Variants in NUBP1 observed in about 807,000 individuals in gnomAD.
NUBP1 encodes cytosolic Fe-S cluster assembly factor NUBP1.
In NUBP1, 46 loss-of-function variants were observed where a neutral mutation model predicts 41.8. The ratio of observed to expected loss-of-function variants is 1.10; its 90% CI spans 0.87 to 1.41. The LOEUF (loss-of-function observed/expected upper bound fraction) is 1.41, where lower values mean the gene tolerates loss of function less well. Among genes scored for constraint, NUBP1 ranks in the 40% most tolerant of loss-of-function variants. The pLI is 0.00. For synonymous variants in NUBP1, 189 were observed against 154.6 expected, an observed-to-expected ratio of 1.22 and a Z score of -1.65; for missense variants, 494 against 414.0, an observed-to-expected ratio of 1.19 and a Z score of -1.68.
Position 10,768,120 on chromosome 16 carries a change from G to T in NUBP1, c.904+88G>T. On this transcript the variant is annotated intron_variant, in intron 10 of 10. Transcript: ENST00000283027. This position sits in a 1 kb window ranked among gnomAD's most constrained non-coding sequence, Gnocchi z 4.3. The stretch of plus-strand genomic sequence containing the variant: ...CAGGGGTGTGGAAGGACAGGTGGGT[G>T]GTGGGGTCTGTGATGACCACAGAGT... 2 of 1,293,986 alleles carry T rather than the reference G, an allele frequency of 1.5e-6. No individual in the cohort carries two copies. The highest frequency in any genetic ancestry group is 1.2e-5 in the South Asian group (1 of 84,110). The allele number at this position is 1,293,986 out of a possible 1,614,324, so 80.2% of individuals were successfully genotyped here. A position where few individuals can be genotyped will look rare whatever the true frequency, so the allele number is the denominator to read the frequency against.
At chr16:10,761,897 G>T (rs780554079) in intron 9 of NUBP1, 38 bp downstream of exon 9, 1 of 1,524,984 alleles carries the variant, frequency 6.6e-7, no homozygotes. Flanking sequence ...CTCACTCCTC[G>T]GTCAGCCCCA....
At position 10,757,798 on chromosome 16, in the gene NUBP1, T is replaced by TA. The variant is rs1052576466; in HGVS notation, c.452-65dup. The stretch of plus-strand genomic sequence containing the variant: ...GGCAACATAGCAAGACCCCATCCTT[T>TA]AAAAAAAAAAGAGGGAGTTGAAAGT... On this transcript the variant is annotated intron_variant, in intron 6 of 10. Coordinates refer to ENST00000283027, the MANE Select transcript of NUBP1 (RefSeq NM_002484.4). The surrounding 1 kb of genome is among the most constrained non-coding windows in gnomAD (Gnocchi z 4.1). 7.8e-3 allele frequency: 9,069 copies of TA among 1,161,284 alleles called. No homozygotes were observed. The highest frequency in any genetic ancestry group is 8.3e-3 in the Non-Finnish European group (7,026 of 844,548). 71.9% of individuals were successfully genotyped at this position (1,161,284 alleles called of 1,614,324 possible).
intron 9 of NUBP1, among the ~76,000 whole-genome samples, chr16:10,762,833 C>CA (rs1162402848): frequency 8.8e-5 from 13 of 147,956 alleles, no homozygotes; most frequent in Admixed American, 1.3e-4. Flanking sequence ...AGGGCGGGGC[C>CA]CGTGGAGAGC....
intron 9 of NUBP1, among the ~76,000 whole-genome samples, chr16:10,762,789 G>T (rs1392221625): frequency 6.6e-6 from 1 of 152,052 alleles, no homozygotes. Context: ...GTATGGCCTG[G>T]CCAGGAGAGG....
rs545644050 is a variant in NUBP1, at chr16:10,757,639, A to G, written c.452-234A>G. Among the ~76,000 whole-genome samples, 2 of 152,330 alleles carry G rather than the reference A, an allele frequency of 1.3e-5. No homozygotes were observed. Among genetic ancestry groups the G allele is most frequent in the African/African-American group, 2.4e-5 (1 of 41,582 alleles). Reference sequence around the variant, plus strand: ...CAGTTGAGAGCCACTGACTTACAGCATAGACCAAAGGCACAAAAAGATCAG... The same window carrying G: ...CAGTTGAGAGCCACTGACTTACAGCGTAGACCAAAGGCACAAAAAGATCAG... On this transcript the variant is annotated intron_variant, in intron 6 of 10. Coordinates refer to ENST00000283027, the MANE Select transcript of NUBP1 (RefSeq NM_002484.4). This position sits in a 1 kb window ranked among gnomAD's most constrained non-coding sequence, Gnocchi z 4.1.
chr16:10,768,779 G>C lies in NUBP1; in HGVS notation c.905-268G>C. On this transcript the variant is annotated intron_variant, in intron 10 of 10. Coordinates refer to ENST00000283027, the MANE Select transcript of NUBP1 (RefSeq NM_002484.4). This position sits in a 1 kb window ranked among gnomAD's most constrained non-coding sequence, Gnocchi z 4.3. ...CTGGGTTTTACTTGCCTAGAAGAATGATGTCAAGGGTAAGGAAACAGCATT... is the reference window on the plus strand; with the variant it reads ...CTGGGTTTTACTTGCCTAGAAGAATCATGTCAAGGGTAAGGAAACAGCATT... 1 of 371,784 alleles carries C rather than the reference G, an allele frequency of 2.7e-6. No homozygotes were observed. Among genetic ancestry groups the C allele is most frequent in the Non-Finnish European group, 4.8e-6 (1 of 208,066 alleles). The allele number at this position is 371,784 out of a possible 1,614,324, so 23.0% of individuals were successfully genotyped here.
At position 10,759,669 on chromosome 16, in the gene NUBP1, G is replaced by T. The variant is rs919215769; in HGVS notation, c.606+1642G>T. ...TGGGCACCTGTAATCCCAGCTACTTGGGAGGCTGAGGTGGGAGAAGTGCTT... is the reference window on the plus strand; with the variant it reads ...TGGGCACCTGTAATCCCAGCTACTTTGGAGGCTGAGGTGGGAGAAGTGCTT... On this transcript the variant is annotated intron_variant, in intron 7 of 10. Transcript: ENST00000283027. This position sits in a 1 kb window ranked among gnomAD's most constrained non-coding sequence, Gnocchi z 4.7. Among the ~76,000 whole-genome samples the T allele has an allele frequency of 6.6e-6, 1 of 152,136 alleles. No homozygotes were observed. The highest frequency in any genetic ancestry group is 1.5e-5 in the Non-Finnish European group (1 of 68,026).
chr16:10,743,887 G>C lies in NUBP1; in HGVS notation c.19+5G>C, dbSNP rs764197600. On this transcript the variant is annotated splice_donor_5th_base_variant and intron_variant, in intron 1 of 10. Transcript: ENST00000283027. ...GAATGGAGGAGGTGCCTCACGGTAA[G>C]CTCGCGGAGGGGGCGTGGGTCGCGG... 3.2e-6 allele frequency: 5 copies of C among 1,569,046 alleles called. No homozygotes were observed. Among genetic ancestry groups the C allele is most frequent in the Non-Finnish European group, 4.3e-6 (5 of 1,158,866 alleles).
intron 2 of NUBP1, among the ~76,000 whole-genome samples, chr16:10,746,332 C>T (rs1298856923): frequency 3.3e-5 from 5 of 152,176 alleles, no homozygotes; most frequent in South Asian, 4.1e-4. Context: ...GCACTGCTGA[C>T]ATTTGGGGCA....
At chr16:10,760,136 C>A (rs1026842067) in intron 7 of NUBP1, among the ~76,000 whole-genome samples, 1 of 152,226 alleles carries the variant, frequency 6.6e-6, no homozygotes, top group Non-Finnish European at 1.5e-5. Context: ...TCCTTATTTC[C>A]TTTTAGTCAG....
Position 10,757,738 on chromosome 16 carries a change from G to C in NUBP1, c.452-135G>C. ...AGTTACTTGGGAGGCTGAGGTGGGAGGATTGCTTGAGCCTCAGAGTTAAGA... is the reference window on the plus strand; with the variant it reads ...AGTTACTTGGGAGGCTGAGGTGGGACGATTGCTTGAGCCTCAGAGTTAAGA... On this transcript the variant is annotated intron_variant, in intron 6 of 10. Coordinates refer to ENST00000283027, the MANE Select transcript of NUBP1 (RefSeq NM_002484.4). The surrounding 1 kb of genome is among the most constrained non-coding windows in gnomAD (Gnocchi z 4.1). 9.8e-7 allele frequency: 1 copy of C among 1,025,054 alleles called. No individual in the cohort carries two copies. The highest frequency in any genetic ancestry group is 1.5e-5 in the South Asian group (1 of 65,654). The allele number at this position is 1,025,054 out of a possible 1,614,324, so 63.5% of individuals were successfully genotyped here.
At position 10,769,091 on chromosome 16, in the gene NUBP1, C is replaced by T; in HGVS notation, c.949C>T (p.Leu317Phe). The change falls in exon 11 of 11, where the codon CTC becomes TTC. Residue 317 changes from leucine to phenylalanine, a missense_variant. Coordinates refer to ENST00000283027, the MANE Select transcript of NUBP1 (RefSeq NM_002484.4). The part of the protein sequence containing the change: ...CNLHQSKEEN[L>F]ISS ...TCTCCATCAGTCAAAAGAAGAGAAC[C>T]TCATCAGTTCCTGAAACGAGAGAAT... 1 of 1,613,994 alleles carries T rather than the reference C, an allele frequency of 6.2e-7. No individual in the cohort carries two copies. Among genetic ancestry groups the T allele is most frequent in the East Asian group, 2.2e-5 (1 of 44,870 alleles).
chr16:10,748,126 T>C (rs1272981430), intron 3 of NUBP1, among the ~76,000 whole-genome samples: 1 of 151,948 alleles, frequency 6.6e-6, no homozygotes, highest in Non-Finnish European at 1.5e-5. Flanking sequence ...AATTTTTGGG[T>C]TTTTTGTAGA....
chr16:10,747,102 G>A (rs1340282883), intron 2 of NUBP1, 41 bp from the exon 3 acceptor site: 5 of 1,609,880 alleles, frequency 3.1e-6, no homozygotes, highest in Non-Finnish European at 4.2e-6. Flanking sequence ...TTCGAGGTTT[G>A]GTGTGGGACC....
At chr16:10,761,612 C>A in intron 8 of NUBP1, 138 bp downstream of exon 8, 1 of 979,922 alleles carries the variant, frequency 1.0e-6, no homozygotes, top group Non-Finnish European at 1.5e-6. Context: ...TCCCTTTCTG[C>A]TGACTAAAGG....
rs1900203336 is a variant in NUBP1 at position 10,749,165 on chromosome 16, A to C, written c.258+1889A>C. Among the ~76,000 whole-genome samples the C allele has an allele frequency of 1.4e-5, 2 of 145,274 alleles. No individual in the cohort carries two copies. Among genetic ancestry groups the C allele is most frequent in the Non-Finnish European group, 1.5e-5 (1 of 65,746 alleles). On this transcript the variant is annotated intron_variant, in intron 3 of 10. Transcript: ENST00000283027. This position sits in a 1 kb window ranked among gnomAD's most constrained non-coding sequence, Gnocchi z 4.1. ...CACACACACACACACACACACACAC[A>C]CACACGTTGATTCGTCATTCTGTGA...
intron 5 of NUBP1, 150 bp downstream of exon 5, chr16:10,755,903 C>T (rs1260048656): frequency 2.8e-6 from 2 of 722,514 alleles, no homozygotes; most frequent in Non-Finnish European, 4.8e-6. Flanking sequence ...CAGGCTTTTT[C>T]TGTAAAGTGT....
Position 10,767,961 on chromosome 16 carries a change from A to G in NUBP1, c.833A>G (p.Asp278Gly). The change falls in exon 10 of 11, where the codon GAC becomes GGC. Residue 278 changes from aspartate (D) to glycine (G), a missense_variant. By Grantham distance (94) the Asp-to-Gly change is moderately conservative (BLOSUM62 -1). Coordinates refer to ENST00000283027, the MANE Select transcript of NUBP1 (RefSeq NM_002484.4). This position sits in a 1 kb window ranked among gnomAD's most constrained non-coding sequence, Gnocchi z 4.6. ...PLDPLIGKNC[D>G]KGQSFFIDAP... ...TTTCTTTTTTAAGGTAAGAATTGTG[A>G]CAAAGGCCAGTCTTTTTTCATTGAC... is the stretch of plus-strand genomic sequence containing the variant. 1 of 1,614,164 alleles carries G rather than the reference A, an allele frequency of 6.2e-7. No homozygotes were observed. Among genetic ancestry groups the G allele is most frequent in the Non-Finnish European group, 8.5e-7 (1 of 1,180,036 alleles).
intron 3 of NUBP1, among the ~76,000 whole-genome samples, chr16:10,748,614 T>G (rs1900167652): frequency 6.6e-6 from 1 of 152,108 alleles, no homozygotes; most frequent in African/African-American, 2.4e-5. Flanking sequence ...AAGGACTGAG[T>G]GAGATGGCAC....
Sources: gnomAD v4.1 joint callset for allele counts (sites outside exome capture counted in the v4.1 genomes callset) on GRCh38, gnomAD v4.1.1 for gene constraint, Gnocchi (gnomAD v3.1) non-coding constraint, MANE v1.5 for transcripts, NCBI Gene and HGNC (gene_info 2026-07-23, HGNC 2026-07-21) for gene names.